Variants in ACSL6 observed in about 807,000 individuals in gnomAD.
The protein encoded by ACSL6 is acyl-CoA synthetase long chain family member 6, also known as long-chain-fatty-acid--CoA ligase 6.
In ACSL6, 47 loss-of-function variants were observed where a neutral mutation model predicts 98.2. The ratio of observed to expected loss-of-function variants is 0.48; its 90% confidence interval spans 0.38 to 0.61. ACSL6 has a LOEUF of 0.61. ACSL6 is among the 20% of genes least tolerant of loss of function. The pLI is 0.00. For synonymous variants in ACSL6, 362 were observed against 336.9 expected, an observed-to-expected ratio of 1.07 and a Z score of -0.82; for missense variants, 761 against 913.4, an observed-to-expected ratio of 0.83 and a Z score of 2.15.
chr5:131,999,151 GTGGGTATTC>G (rs1285591086), intron 1 of ACSL6, among the ~76,000 whole-genome samples: 1 of 152,038 alleles, frequency 6.6e-6, no homozygotes, highest in Non-Finnish European at 1.5e-5. Context: ...AGGACCCAAA[GTGGGTATTC>G]TGGGTATTCC....
chr5:131,988,430 A>G, intron 6 of ACSL6: 1 of 1,352,124 alleles, frequency 7.4e-7, no homozygotes, highest in Admixed American at 2.0e-5. Context: ...AGGCCATGGA[A>G]CCTCCTCAAG....
intron 3 of ACSL6, among the ~76,000 whole-genome samples, 179 bp from the exon 4 acceptor site, chr5:131,990,343 A>G (rs1014186116): frequency 3.9e-5 from 6 of 152,246 alleles, no homozygotes; most frequent in Admixed American, 3.3e-4. Context: ...GAGGGCCTAA[A>G]GCACATAAGT....
In ACSL6 at chr5:131,975,380, C is replaced by A. The variant is rs1036081820; in HGVS notation, c.991-410G>T. Reference sequence around the variant, plus strand: ...TCTAGCCCGGCTCTCTCCCCTTCCTCCCCACACCTGCAGGACCTGCCCCAC... The same window carrying A: ...TCTAGCCCGGCTCTCTCCCCTTCCTACCCACACCTGCAGGACCTGCCCCAC... On this transcript the variant is annotated intron_variant, in intron 10 of 20. Coordinates refer to ENST00000651883, the MANE Select transcript of ACSL6 (RefSeq NM_001009185.3). 1.5e-5 allele frequency: 15 copies of A among 985,424 alleles called. No individual in the cohort carries two copies. The African/African-American group carries it at 2.4e-4, about 16-fold the overall frequency. 61.0% of individuals were successfully genotyped at this position (985,424 alleles called of 1,614,324 possible). A position where few individuals can be genotyped will look rare whatever the true frequency, so the allele number is the denominator to read the frequency against.
At chr5:131,970,903 G>C (rs1051812874) in intron 14 of ACSL6, among the ~76,000 whole-genome samples, 2 of 152,172 alleles carry the variant, frequency 1.3e-5, no homozygotes, top group African/African-American at 4.8e-5. Context: ...ACACCATGCA[G>C]GAGTGTCTGC....
At chr5:132,009,714 A>T (rs1053517557) in intron 1 of ACSL6, among the ~76,000 whole-genome samples, 3 of 152,108 alleles carry the variant, frequency 2.0e-5, no homozygotes, top group African/African-American at 4.8e-5. Context: ...CCATTAGAGG[A>T]GGGAGCTGAC....
intron 4 of ACSL6, 151 bp downstream of exon 4, chr5:131,989,949 G>GC: frequency 1.3e-6 from 1 of 786,552 alleles, no homozygotes; most frequent in Non-Finnish European, 2.0e-6. Context: ...TATGCTGGAA[G>GC]CCCTTCAAGG....
intron 9 of ACSL6, among the ~76,000 whole-genome samples, chr5:131,979,523 T>C (rs909383724): frequency 1.3e-5 from 2 of 152,254 alleles, no homozygotes; most frequent in Non-Finnish European, 2.9e-5. Context: ...TAAGTCCTTT[T>C]CTTCTCCAGC....
chr5:131,952,586 T>C lies in ACSL6; in HGVS notation c.*1648A>G, dbSNP rs1752207444. The C allele has an allele frequency of 4.7e-6, 1 of 213,828 alleles. No individual in the cohort carries two copies. The highest frequency in any genetic ancestry group is 2.3e-5 in the African/African-American group (1 of 44,250). 13.2% of individuals were successfully genotyped at this position (213,828 alleles called of 1,614,324 possible). ...GGATTGTTGATATGCTTTTAGAGTC[T>C]TGTCTCTACAGAAGAAAAACACGTT... is the stretch of plus-strand genomic sequence containing the variant. On this transcript the variant is annotated 3_prime_UTR_variant, in exon 21 of 21. Transcript: ENST00000651883.
chr5:132,009,313 T>C (rs1755585945), intron 1 of ACSL6, among the ~76,000 whole-genome samples: 1 of 152,178 alleles, frequency 6.6e-6, no homozygotes, highest in Admixed American at 6.5e-5. Flanking sequence ...ATAACTCTAC[T>C]AAAGAGAGAC....
rs1488053241 is a variant in ACSL6, at chr5:131,953,352, G to T, written c.*882C>A. The T allele has an allele frequency of 5.4e-6, 1 of 183,608 alleles. No individual in the cohort carries two copies. The highest frequency in any genetic ancestry group is 1.2e-5 in the Non-Finnish European group (1 of 86,366). 11.4% of individuals were successfully genotyped at this position (183,608 alleles called of 1,614,324 possible). A position where few individuals can be genotyped will look rare whatever the true frequency, so the allele number is the denominator to read the frequency against. On this transcript the variant is annotated 3_prime_UTR_variant, in exon 21 of 21. Transcript: ENST00000651883. ...AATTTGGCTGGGAACAATGGCTCAT[G>T]CCTGTAATCCTAGCACTTAGGGAGG...
At position 131,986,856 on chromosome 5, in the gene ACSL6, T is replaced by C; in HGVS notation, c.832-2A>G. The stretch of plus-strand genomic sequence containing the variant: ...CTGGTGATTCTCTTGGCCACAGTCC[T>C]GAAAGAAGAAAATGCTGTTTTTAAA... On this transcript the variant is annotated splice_acceptor_variant, in intron 7 of 20. Transcript: ENST00000651883. LOFTEE classifies it high-confidence loss of function. 6.2e-7 allele frequency: 1 copy of C among 1,614,206 alleles called. No homozygotes were observed. The highest frequency in any genetic ancestry group is 1.3e-5 in the African/African-American group (1 of 75,062).
chr5:131,976,742 G>A, intron 9 of ACSL6, 21 bp from the exon 10 acceptor site: 1 of 1,611,646 alleles, frequency 6.2e-7, no homozygotes, highest in Non-Finnish European at 8.5e-7. Context: ...AAAGCAAGAA[G>A]TCAAATTAGT....
At chr5:131,980,504 C>G (rs1753833893) in intron 9 of ACSL6, among the ~76,000 whole-genome samples, 1 of 152,276 alleles carries the variant, frequency 6.6e-6, no homozygotes, top group South Asian at 2.1e-4. Context: ...CCCCAGAAAG[C>G]CCACCTCTGA....
intron 9 of ACSL6, chr5:131,982,386 G>T (rs901982332): frequency 6.6e-6 from 1 of 150,528 alleles, no homozygotes; most frequent in African/African-American, 2.4e-5. Flanking sequence ...CTCGTGATCC[G>T]CCCGCCTCGG....
intron 13 of ACSL6, 70 bp from the exon 14 acceptor site, chr5:131,971,715 TC>T: frequency 7.3e-7 from 1 of 1,370,374 alleles, no homozygotes; most frequent in South Asian, 1.5e-5. Context: ...CTGGGTTTCA[TC>T]CAAGGTCAAC....
At chr5:132,010,426 T>C (rs1755648417) in intron 1 of ACSL6, among the ~76,000 whole-genome samples, 1 of 152,162 alleles carries the variant, frequency 6.6e-6, no homozygotes, top group Non-Finnish European at 1.5e-5. Context: ...AAAAAAGGGA[T>C]GGTGCCACCG....
In ACSL6 at chr5:131,954,092, G is replaced by T; in HGVS notation, c.*142C>A. 1.4e-6 allele frequency: 1 copy of T among 701,598 alleles called. No homozygotes were observed. The highest frequency in any genetic ancestry group is 2.1e-6 in the Non-Finnish European group (1 of 483,436). The allele number at this position is 701,598 out of a possible 1,614,324, so 43.5% of individuals were successfully genotyped here. On this transcript the variant is annotated 3_prime_UTR_variant, in exon 21 of 21. Transcript: ENST00000651883. ...TGATGATAGAGAAAATATTGTTAAAGACCTCTTGGGACAGGAAAAGGCTCA... is the reference window on the plus strand; with the variant it reads ...TGATGATAGAGAAAATATTGTTAAATACCTCTTGGGACAGGAAAAGGCTCA...
At chr5:131,967,553 T>A (rs760198237) in intron 16 of ACSL6, among the ~76,000 whole-genome samples, 13 of 151,818 alleles carry the variant, frequency 8.6e-5, no homozygotes, top group African/African-American at 1.2e-4. Flanking sequence ...TAGTCCCAGC[T>A]ACTTGGGAGG....
chr5:131,987,388 C>T (rs1754253873), intron 7 of ACSL6, among the ~76,000 whole-genome samples: 1 of 152,132 alleles, frequency 6.6e-6, no homozygotes, highest in South Asian at 2.1e-4. Flanking sequence ...TGGGGGCTGC[C>T]AGTGTAGGTC....
Sources: allele counts gnomAD v4.1 joint callset (sites outside exome capture counted in the v4.1 genomes callset), GRCh38; gene constraint gnomAD v4.1.1; transcripts MANE v1.5; gene names NCBI Gene and HGNC (gene_info 2026-07-23, HGNC 2026-07-21).